SDK1: variants seen among roughly 807,000 people sequenced by gnomAD.
SDK1 encodes the protein sidekick cell adhesion molecule 1.
A neutral mutation model predicts 245.5 loss-of-function variants in SDK1; 157 were observed. The ratio of observed to expected loss-of-function variants is 0.64; its 90% CI spans 0.56 to 0.73. The LOEUF is 0.73. Among genes scored for constraint, SDK1 ranks in the 30% least tolerant of loss-of-function variants. SDK1 has a pLI of 0.00. For missense variants in SDK1, 3,583 were observed against 3,002.3 expected, an observed-to-expected ratio of 1.19 and a Z score of -4.52; for synonymous variants, 1,647 against 1,278.5, an observed-to-expected ratio of 1.29 and a Z score of -6.15.
chr7:3,673,016 ACTT>A (rs1265109552), intron 4 of SDK1, among the ~76,000 whole-genome samples: 2 of 151,378 alleles, frequency 1.3e-5, no homozygotes, highest in African/African-American at 4.9e-5. Context: ...TCTTTGCTTT[ACTT>A]CTTTTAGCTA....
intron 1 of SDK1, among the ~76,000 whole-genome samples, chr7:3,604,825 C>G (rs1662451226): frequency 6.6e-6 from 1 of 151,902 alleles, no homozygotes; most frequent in East Asian, 1.9e-4. Flanking sequence ...TGGTCTTGAA[C>G]TCCCAACTTC....
intron 4 of SDK1, among the ~76,000 whole-genome samples, chr7:3,658,212 C>G (rs1022292023): frequency 2.0e-5 from 3 of 152,168 alleles, no homozygotes. Context: ...CTGTCATAGC[C>G]GTGAGGTGGA....
At chr7:3,513,851 C>G (rs1030695752) in intron 1 of SDK1, among the ~76,000 whole-genome samples, 3 of 152,064 alleles carry the variant, frequency 2.0e-5, no homozygotes, top group African/African-American at 2.4e-5. Flanking sequence ...TACTCAGTAT[C>G]TAGCTCTCAT....
chr7:3,597,251 G>A (rs544132389), intron 1 of SDK1, among the ~76,000 whole-genome samples: 22 of 137,168 alleles, frequency 1.6e-4, no homozygotes, highest in Admixed American at 8.0e-4. Flanking sequence ...CAGCCTGGTC[G>A]ACAGAGTAAG....
Position 4,089,500 on chromosome 7 carries a change from A to C in SDK1, c.3324+9916A>C, listed in dbSNP as rs182364044. ...TATTCTCCAGCAGTTCAGAGGTTTT[A>C]GTGCTCCAGGGAAGAATGAACGGGG... On this transcript the variant is annotated intron_variant, in intron 22 of 44. Coordinates refer to ENST00000404826, the MANE Select transcript of SDK1 (RefSeq NM_152744.4). Among the ~76,000 whole-genome samples the C allele has an allele frequency of 2.2e-3, 341 of 152,290 alleles. 1 individual carries two copies. The highest frequency in any genetic ancestry group is 6.8e-3 in the Middle Eastern group (2 of 294).
chr7:4,135,791 C>G (rs762828269), intron 28 of SDK1, among the ~76,000 whole-genome samples: 1 of 152,200 alleles, frequency 6.6e-6, no homozygotes, highest in Non-Finnish European at 1.5e-5. Context: ...CGTATCAGAT[C>G]GAATATTTCA....
At chr7:3,807,383 T>G (rs1285117230) in intron 4 of SDK1, among the ~76,000 whole-genome samples, 1 of 152,228 alleles carries the variant, frequency 6.6e-6, no homozygotes, top group East Asian at 1.9e-4. Flanking sequence ...CCCAGCATGC[T>G]GTGGTATAGT....
chr7:3,364,398 T>C (rs1781032714), intron 1 of SDK1, among the ~76,000 whole-genome samples: 1 of 152,244 alleles, frequency 6.6e-6, no homozygotes, highest in South Asian at 2.1e-4. Context: ...TTGGTTTCTT[T>C]TAAAAGTTCT....
intron 5 of SDK1, among the ~76,000 whole-genome samples, chr7:3,911,066 C>T (rs914890203): frequency 6.6e-6 from 1 of 152,304 alleles, no homozygotes; most frequent in African/African-American, 2.4e-5. Context: ...GTCAGCTCTC[C>T]ATTTTGGGGG....
At chr7:4,083,326 G>T (rs192854663) in intron 22 of SDK1, among the ~76,000 whole-genome samples, 2 of 151,708 alleles carry the variant, frequency 1.3e-5, no homozygotes, top group Non-Finnish European at 2.9e-5. Context: ...TTACAGCTCT[G>T]TTAATCTAGT....
At chr7:3,412,710 C>T (rs971504849) in intron 1 of SDK1, among the ~76,000 whole-genome samples, 37 of 152,104 alleles carry the variant, frequency 2.4e-4, no homozygotes, top group African/African-American at 7.7e-4. Context: ...CCATAGGTTG[C>T]GAGTGTATGA....
chr7:3,677,166 C>T (rs1451142185), intron 4 of SDK1, among the ~76,000 whole-genome samples: 1 of 152,058 alleles, frequency 6.6e-6, no homozygotes, highest in African/African-American at 2.4e-5. Flanking sequence ...TCCAACTCTC[C>T]CACAGGGATT....
At chr7:3,988,539 G>T (rs1474274255) in intron 14 of SDK1, among the ~76,000 whole-genome samples, 2 of 152,128 alleles carry the variant, frequency 1.3e-5, no homozygotes, top group Non-Finnish European at 2.9e-5. Flanking sequence ...TCCCTGTGCA[G>T]CCTCGGGTCA....
chr7:3,775,159 A>G (rs1417605301), intron 4 of SDK1, among the ~76,000 whole-genome samples: 1 of 152,176 alleles, frequency 6.6e-6, no homozygotes, highest in Non-Finnish European at 1.5e-5. Context: ...TGAATGTGCT[A>G]TTGGTTTTCA....
At chr7:3,701,914 C>T (rs1017216210) in intron 4 of SDK1, among the ~76,000 whole-genome samples, 65 of 112,986 alleles carry the variant, frequency 5.8e-4, no homozygotes, top group African/African-American at 2.2e-3. Context: ...AGTGGTTGGA[C>T]GTGCATAAGC....
At chr7:3,979,608 C>A (rs535755626) in intron 13 of SDK1, among the ~76,000 whole-genome samples, 5 of 152,264 alleles carry the variant, frequency 3.3e-5, no homozygotes, top group Admixed American at 3.3e-4. Context: ...CTTCATCCCC[C>A]CACTGAGAGA....
chr7:3,887,655 C>A (rs1329609459), intron 5 of SDK1, among the ~76,000 whole-genome samples: 2 of 152,154 alleles, frequency 1.3e-5, no homozygotes, highest in African/African-American at 4.8e-5. Context: ...TTTCCCCTGG[C>A]CTGATGATTC....
intron 35 of SDK1, among the ~76,000 whole-genome samples, chr7:4,179,518 CG>C (rs1319386790): frequency 1.3e-5 from 2 of 152,064 alleles, no homozygotes; most frequent in African/African-American, 4.8e-5. Context: ...TCAAGCCCAG[CG>C]GATTTTTTCC....
chr7:3,851,007 C>CA lies in SDK1; in HGVS notation c.847+29434dup, dbSNP rs374247384. Reference sequence around the variant, plus strand: ...GTGTACCCTAGAACTTAAAGTATAACAAAAAAAAAAGAAGACACCTTTTAT... The same window carrying CA: ...GTGTACCCTAGAACTTAAAGTATAACAAAAAAAAAAAGAAGACACCTTTTAT... On this transcript the variant is annotated intron_variant, in intron 5 of 44. Transcript: ENST00000404826. Among the ~76,000 whole-genome samples the CA allele has an allele frequency of 6.6e-3, 971 of 147,312 alleles. 7 individuals carry two copies. Among genetic ancestry groups the CA allele is most frequent in the African/African-American group, 0.023 (922 of 40,380 alleles).
Sources: gnomAD v4.1 joint callset for allele counts (sites outside exome capture counted in the v4.1 genomes callset) on GRCh38, gnomAD v4.1.1 for gene constraint, MANE v1.5 for transcripts, NCBI Gene and HGNC (gene_info 2026-07-23, HGNC 2026-07-21) for gene names.